RASGRF1: variants seen among roughly 807,000 people sequenced by gnomAD.
RASGRF1 encodes the protein ras-specific guanine nucleotide-releasing factor 1.
Under a neutral mutation model 138.7 loss-of-function variants are expected in RASGRF1, and 40 were observed. That is an observed-to-expected ratio of 0.29 (90% CI 0.22 to 0.38). The LOEUF is 0.38. Ranked by LOEUF, RASGRF1 falls within the 10% of genes least tolerant of loss-of-function variation. The pLI, the probability that RASGRF1 is intolerant of heterozygous loss-of-function variation, is 1.00. For missense variants in RASGRF1, 1,108 were observed against 1,650.4 expected (o/e 0.67, Z 5.69); for synonymous variants, 614 against 663.2 (o/e 0.93, Z 1.14).
At position 78,997,997 on chromosome 15, in the gene RASGRF1, C is replaced by G. The variant is rs1022599575; in HGVS notation, c.2966+99G>C. 3 of 1,059,122 alleles carry G rather than the reference C, an allele frequency of 2.8e-6. No homozygotes were observed. The African/African-American group carries it at 4.7e-5, about 17-fold the overall frequency. 65.6% of individuals were successfully genotyped at this position (1,059,122 alleles called of 1,614,324 possible). On this transcript the variant is annotated intron_variant, in intron 19 of 26. Transcript: ENST00000558480. Reference sequence around the variant, plus strand: ...TGGGGCTGTCCTTGACAAGGGCGCTCTTCACCTCCCGGGCCTCTGACCAGC... The same window carrying G: ...TGGGGCTGTCCTTGACAAGGGCGCTGTTCACCTCCCGGGCCTCTGACCAGC...
At chr15:78,968,525 C>T (rs966373316) in intron 26 of RASGRF1, among the ~76,000 whole-genome samples, 1 of 152,140 alleles carries the variant, frequency 6.6e-6, no homozygotes, top group African/African-American at 2.4e-5. Context: ...TCAAGTGATC[C>T]TCCTACCTCA....
chr15:79,062,434 G>A lies in RASGRF1; in HGVS notation c.383+1986C>T, dbSNP rs1027911074. On this transcript the variant is annotated intron_variant, in intron 2 of 26. Transcript: ENST00000558480. ...ATAAAACCCTCAATGGCTTCCCACC[G>A]TTCACAGGGGAAAGGTCAAACACCT... 5.3e-5 allele frequency among the ~76,000 whole-genome samples: 8 copies of A among 152,124 alleles called. No individual in the cohort carries two copies. The East Asian group carries it at 1.2e-3, about 22-fold the overall frequency.
At chr15:78,978,613 A>G in intron 24 of RASGRF1, 4 of 993,688 alleles carry the variant, frequency 4.0e-6, no homozygotes, top group Non-Finnish European at 4.8e-6. Context: ...CCATAGCAGG[A>G]CTCCTTCTCT....
chr15:79,007,353 C>T (rs144157196), intron 13 of RASGRF1, among the ~76,000 whole-genome samples: 8 of 152,270 alleles, frequency 5.3e-5, no homozygotes, highest in African/African-American at 1.9e-4. Flanking sequence ...ATTGGTCATC[C>T]AATGGGAGCT....
chr15:79,057,929 C>T (rs1258957734), intron 3 of RASGRF1, among the ~76,000 whole-genome samples: 1 of 152,180 alleles, frequency 6.6e-6, no homozygotes, highest in Non-Finnish European at 1.5e-5. Flanking sequence ...TACCAGTGAC[C>T]CTGCGCTCTC....
chr15:79,058,260 C>T, intron 3 of RASGRF1, 74 bp downstream of exon 3: 2 of 1,553,270 alleles, frequency 1.3e-6, no homozygotes, highest in South Asian at 1.2e-5. Context: ...TCATGTGGCT[C>T]CCCAATCCTG....
At chr15:79,063,728 C>T (rs966073998) in intron 2 of RASGRF1, among the ~76,000 whole-genome samples, 2 of 152,200 alleles carry the variant, frequency 1.3e-5, no homozygotes, top group African/African-American at 2.4e-5. Flanking sequence ...TGCCCAGAAA[C>T]GTAAGTCTGG....
chr15:79,084,420 C>A lies in RASGRF1; in HGVS notation c.276+5803G>T, dbSNP rs1014853146. Among the ~76,000 whole-genome samples, 3 of 152,228 alleles carry A rather than the reference C, an allele frequency of 2.0e-5. No individual in the cohort carries two copies. In the East Asian group the frequency reaches 5.8e-4, roughly 29 times the overall value. ...AGGCTGTGAAAGCGTTGAGTGCAGG[C>A]AGACCCCAAAGTGACCTCATGAGGC... On this transcript the variant is annotated intron_variant, in intron 1 of 26. Transcript: ENST00000558480.
chr15:78,974,508 G>T (rs748837015), intron 24 of RASGRF1, among the ~76,000 whole-genome samples: 1 of 152,150 alleles, frequency 6.6e-6, no homozygotes, highest in Non-Finnish European at 1.5e-5. Flanking sequence ...TGGTCCTCAG[G>T]CTCCTCATGT....
chr15:79,003,476 G>A (rs959922866), intron 15 of RASGRF1, among the ~76,000 whole-genome samples: 5 of 152,248 alleles, frequency 3.3e-5, no homozygotes, highest in Admixed American at 6.5e-5. Context: ...TGCAGACATG[G>A]ACAAACACAG....
rs72369256 is a variant in RASGRF1, at chr15:78,994,926, C to CTTT, written c.3027+811_3027+813dup. Among the ~76,000 whole-genome samples the CTTT allele has an allele frequency of 5.9e-5, 8 of 136,058 alleles. 3 individuals are homozygous for CTTT. The highest frequency in any genetic ancestry group is 4.8e-5 in the Non-Finnish European group (3 of 62,784). 89.3% of individuals were successfully genotyped at this position (136,058 alleles called of 152,430 possible). On this transcript the variant is annotated intron_variant, in intron 20 of 26. Coordinates refer to ENST00000558480, the MANE Select transcript of RASGRF1 (RefSeq NM_001145648.3). ...GGAGGGAGCACAACCCTTCCAGCAC[C>CTTT]TTTTTTTTTTTTTTTTTTGAGATGG...
chr15:78,986,735 T>G (rs1021779253), intron 22 of RASGRF1, among the ~76,000 whole-genome samples: 13 of 152,142 alleles, frequency 8.5e-5, no homozygotes, highest in African/African-American at 3.1e-4. Context: ...TACAGATGAA[T>G]TAAAAATTAC....
At chr15:78,980,738 C>T (rs188214206) in intron 23 of RASGRF1, 39 bp from the exon 24 acceptor site, 60 of 1,442,934 alleles carry the variant, frequency 4.2e-5, no homozygotes, top group African/African-American at 1.3e-4. Flanking sequence ...ACACAGCACA[C>T]GCTGTGATCC....
At chr15:78,990,044 G>A (rs958531412) in intron 22 of RASGRF1, 145 bp downstream of exon 22, 7 of 715,194 alleles carry the variant, frequency 9.8e-6, no homozygotes, top group Middle Eastern at 5.4e-4. Flanking sequence ...CAACCAGCCC[G>A]AGGCCACATG....
chr15:79,050,770 C>T lies in RASGRF1; in HGVS notation c.532-1182G>A, dbSNP rs1399601309. On this transcript the variant is annotated intron_variant, in intron 3 of 26. Transcript: ENST00000558480. The surrounding 1 kb of genome is among the most constrained non-coding windows in gnomAD (Gnocchi z 4.1). ...CCCATAGACAGGCCAGTGGTGTATC[C>T]TCCTGCGCAGGGCTCGTCCAACCAC... Among the ~76,000 whole-genome samples, 2 of 152,196 alleles carry T rather than the reference C, an allele frequency of 1.3e-5. No homozygotes were observed. The highest frequency in any genetic ancestry group is 4.8e-5 in the African/African-American group (2 of 41,444).
At chr15:79,035,109 G>T (rs748725602) in intron 6 of RASGRF1, 22 bp downstream of exon 6, 1 of 1,595,212 alleles carries the variant, frequency 6.3e-7, no homozygotes, top group Non-Finnish European at 8.6e-7. Context: ...TCTGGGGGCC[G>T]CAGTGAGGGC....
At chr15:79,042,061 G>A (rs969393963) in intron 5 of RASGRF1, among the ~76,000 whole-genome samples, 6 of 152,160 alleles carry the variant, frequency 3.9e-5, no homozygotes, top group Admixed American at 6.5e-5. Flanking sequence ...GAAATAGCCC[G>A]TCTCTAAGCT....
At chr15:79,005,182 A>G in intron 14 of RASGRF1, 1 of 985,504 alleles carries the variant, frequency 1.0e-6, no homozygotes. Context: ...ACCCTGCCCC[A>G]GTGAGGCCTG....
chr15:79,012,267 C>T (rs1047278915), intron 13 of RASGRF1, among the ~76,000 whole-genome samples: 5 of 152,290 alleles, frequency 3.3e-5, no homozygotes, highest in South Asian at 2.1e-4. Context: ...CCCCCTCAGT[C>T]GTCTAGCAAA....
Sources: gnomAD v4.1 joint callset for allele counts (sites outside exome capture counted in the v4.1 genomes callset) on GRCh38, gnomAD v4.1.1 for gene constraint, Gnocchi (gnomAD v3.1) non-coding constraint, MANE v1.5 for transcripts, NCBI Gene and HGNC (gene_info 2026-07-23, HGNC 2026-07-21) for gene names.